SLC38A6: variants seen among roughly 807,000 people sequenced by gnomAD.
SLC38A6 encodes the protein N system amino acid transporter NAT-1.
SLC38A6 carries 73 observed loss-of-function variants against 65.0 expected under a neutral mutation model. That is an observed-to-expected ratio of 1.12 (90% CI 0.93 to 1.37). SLC38A6 has a LOEUF of 1.37. Ranked by LOEUF, SLC38A6 falls within the 40% of genes most tolerant of loss-of-function variation. SLC38A6 has a pLI of 0.00. For synonymous variants in SLC38A6, 183 were observed against 178.8 expected (o/e 1.02, Z -0.19); for missense variants, 561 against 531.1 (o/e 1.06, Z -0.55).
intron 1 of SLC38A6, among the ~76,000 whole-genome samples, chr14:60,981,974 G>A (rs1251780483): frequency 6.6e-6 from 1 of 152,128 alleles, no homozygotes; most frequent in African/African-American, 2.4e-5. Flanking sequence ...GATGTTTTCA[G>A]GGATACTGCC....
At chr14:60,998,600 A>G (rs1225152994) in intron 3 of SLC38A6, among the ~76,000 whole-genome samples, 1 of 152,202 alleles carries the variant, frequency 6.6e-6, no homozygotes, top group African/African-American at 2.4e-5. Context: ...TGGACACAGG[A>G]AAAGAATCTG....
At chr14:61,015,448 A>C (rs777042723) in intron 3 of SLC38A6, among the ~76,000 whole-genome samples, 1 of 152,218 alleles carries the variant, frequency 6.6e-6, no homozygotes, top group Non-Finnish European at 1.5e-5. Flanking sequence ...TTGGAAATGC[A>C]GAAATCACCC....
At position 61,051,880 on chromosome 14, in the gene SLC38A6, G is replaced by C. The variant is rs543464445; in HGVS notation, c.1144G>C (p.Val382Leu). 6.2e-7 allele frequency: 1 copy of C among 1,611,544 alleles called. No individual in the cohort carries two copies. Among genetic ancestry groups the C allele is most frequent in the Non-Finnish European group, 8.5e-7 (1 of 1,179,102 alleles). The change falls in exon 14 of 16, where the codon GTT becomes CTT. Residue 382 changes from valine to leucine, a missense_variant. By Grantham distance (32) the Val-to-Leu change is conservative. Transcript: ENST00000267488. ...LITLALNIII[V>L]LLAIYVPDIR... ...CACTCTAGCACTCAATATTATCATC[G>C]TTTTACTTGCAATATATGTTCCTGA...
intron 3 of SLC38A6, among the ~76,000 whole-genome samples, chr14:60,999,381 T>G (rs2038539392): frequency 6.6e-6 from 1 of 152,204 alleles, no homozygotes; most frequent in Non-Finnish European, 1.5e-5. Flanking sequence ...AGGAGTGAAA[T>G]GGCCTTTGTG....
At chr14:60,981,750 A>G in intron 1 of SLC38A6, 1 of 1,291,934 alleles carries the variant, frequency 7.7e-7, no homozygotes, top group South Asian at 1.2e-5. Flanking sequence ...TGCAAGAGTC[A>G]CAGGATTTTC....
At chr14:61,070,683 A>G (rs2043198993) in intron 15 of SLC38A6, among the ~76,000 whole-genome samples, 1 of 152,208 alleles carries the variant, frequency 6.6e-6, no homozygotes, top group Admixed American at 6.5e-5. Flanking sequence ...TCAGCAGTGC[A>G]CGAGGGTTCC....
Position 61,051,918 on chromosome 14 carries a change from A to G in SLC38A6, c.1182A>G (p.Val394=), listed in dbSNP as rs1023646123. The G allele has an allele frequency of 3.7e-6, 6 of 1,609,896 alleles. No individual in the cohort carries two copies. The highest frequency in any genetic ancestry group is 3.4e-6 in the Non-Finnish European group (4 of 1,178,828). The change falls in exon 14 of 16, where the codon GTA becomes GTG. Residue 394 remains valine, a synonymous_variant. Transcript: ENST00000267488. ...LAIYVPDIRN[V]FGVVGASTST... is the part of the protein sequence containing the mutation. ...TATATGTTCCTGACATTAGAAATGT[A>G]TTTGGTGTAGTTGGTAAGTTTTCTG...
chr14:61,009,816 A>G (rs994354330), intron 3 of SLC38A6, among the ~76,000 whole-genome samples: 7 of 152,166 alleles, frequency 4.6e-5, no homozygotes, highest in African/African-American at 7.2e-5. Context: ...AGTCTTTGCT[A>G]TTGTGAATAG....
intron 5 of SLC38A6, among the ~76,000 whole-genome samples, chr14:61,027,846 G>C (rs2040695066): frequency 6.6e-6 from 1 of 151,814 alleles, no homozygotes. Flanking sequence ...TAATCCGTGT[G>C]GGTTTTCCCC....
chr14:61,010,083 G>A (rs2139462705), intron 3 of SLC38A6, among the ~76,000 whole-genome samples: 1 of 152,324 alleles, frequency 6.6e-6, no homozygotes, highest in Admixed American at 6.5e-5. Context: ...TCTAACTGGT[G>A]TGAGATGGTA....
At chr14:61,048,459 G>T (rs2042296332) in intron 12 of SLC38A6, among the ~76,000 whole-genome samples, 1 of 152,142 alleles carries the variant, frequency 6.6e-6, no homozygotes. Flanking sequence ...TCTGAGATTT[G>T]TAGAGATTTG....
chr14:61,065,730 A>T (rs543043454), intron 15 of SLC38A6, among the ~76,000 whole-genome samples: 6 of 152,352 alleles, frequency 3.9e-5, no homozygotes, highest in South Asian at 2.1e-4. Context: ...GGTTATCTTA[A>T]CACAAATGAA....
chr14:61,009,532 C>CT (rs2039396705), intron 3 of SLC38A6, among the ~76,000 whole-genome samples: 3 of 151,684 alleles, frequency 2.0e-5, no homozygotes, highest in Middle Eastern at 3.4e-3. Context: ...TGCTATCCCT[C>CT]CCCCTCCCCC....
At position 60,981,379 on chromosome 14, in the gene SLC38A6, C is replaced by T. The variant is rs774018718; in HGVS notation, c.102C>T (p.Ser34=). ...AEAEELSPLL[S]NELHRQRSPG... is the part of the protein sequence containing the mutation. ...CCGAAGAGTTGAGTCCGTTGCTAAG[C>T]AACGTAAGTGGGCTGTGTTCGCTTC... The change falls in exon 1 of 16, where the codon AGC becomes AGT. Residue 34 remains serine, a synonymous_variant. Coordinates refer to ENST00000267488, the MANE Select transcript of SLC38A6 (RefSeq NM_153811.3). 1 of 1,596,486 alleles carries T rather than the reference C, an allele frequency of 6.3e-7. No individual in the cohort carries two copies. Among genetic ancestry groups the T allele is most frequent in the Non-Finnish European group, 8.5e-7 (1 of 1,171,578 alleles).
chr14:61,080,537 T>C (rs1004915178), intron 16 of SLC38A6, among the ~76,000 whole-genome samples: 2 of 152,236 alleles, frequency 1.3e-5, no homozygotes, highest in Admixed American at 1.3e-4. Context: ...GAACTTGAGT[T>C]CTACCCTCAT....
chr14:61,064,228 C>T (rs969034022), intron 15 of SLC38A6, among the ~76,000 whole-genome samples: 22 of 152,160 alleles, frequency 1.4e-4, no homozygotes, highest in Admixed American at 7.2e-4. Context: ...TCAGGTCAGC[C>T]AGAGCCAGTC....
At chr14:61,036,535 A>G (rs2041387838) in intron 6 of SLC38A6, among the ~76,000 whole-genome samples, 1 of 152,176 alleles carries the variant, frequency 6.6e-6, no homozygotes, top group South Asian at 2.1e-4. Context: ...GGTGCAGCAT[A>G]CCACCATGGC....
At chr14:61,005,443 A>G (rs1015527018) in intron 3 of SLC38A6, among the ~76,000 whole-genome samples, 10 of 145,248 alleles carry the variant, frequency 6.9e-5, no homozygotes, top group South Asian at 2.3e-4. Flanking sequence ...CCATTGTCTC[A>G]GCCCAAAATC....
In SLC38A6 at chr14:61,007,060, A is replaced by G. The variant is rs1447841783; in HGVS notation, c.311-8844A>G. Among the ~76,000 whole-genome samples the G allele has an allele frequency of 2.6e-5, 4 of 152,292 alleles. No individual in the cohort carries two copies. In the East Asian group the frequency reaches 7.7e-4, roughly 29 times the overall value. On this transcript the variant is annotated intron_variant, in intron 3 of 15. Coordinates refer to ENST00000267488, the MANE Select transcript of SLC38A6 (RefSeq NM_153811.3). ...AAATTGGAAATCATCATTCTCAGCAAACTATCCCAAGGACAAAAAACCAAA... is the reference window on the plus strand; with the variant it reads ...AAATTGGAAATCATCATTCTCAGCAGACTATCCCAAGGACAAAAAACCAAA...
Sources: gnomAD v4.1 joint callset for allele counts (sites outside exome capture counted in the v4.1 genomes callset) on GRCh38, gnomAD v4.1.1 for gene constraint, MANE v1.5 for transcripts, NCBI Gene and HGNC (gene_info 2026-07-23, HGNC 2026-07-21) for gene names.